The following EPAS1 variants were observed in gnomAD, a reference collection of about 807,000 sequenced individuals.
The protein encoded by EPAS1 is endothelial PAS domain-containing protein 1.
EPAS1 carries 23 observed loss-of-function variants against 87.9 expected under a neutral mutation model. The observed-to-expected ratio is 0.26, with a 90% CI of 0.19 to 0.37. The LOEUF is 0.37. Ranked by LOEUF, EPAS1 falls within the 10% of genes least tolerant of loss-of-function variation. EPAS1 has a pLI of 1.00. For missense variants in EPAS1, 1,138 were observed against 1,120.7 expected, an observed-to-expected ratio of 1.02 and a Z score of -0.22; for synonymous variants, 508 against 444.3, an observed-to-expected ratio of 1.14 and a Z score of -1.80.
intron 6 of EPAS1, among the ~76,000 whole-genome samples, chr2:46,366,017 G>C (rs1346804123): frequency 6.6e-6 from 1 of 152,086 alleles, no homozygotes; most frequent in African/African-American, 2.4e-5. Context: ...TTGCTTACAT[G>C]ATTAATTTAC....
At position 46,382,594 on chromosome 2, in the gene EPAS1, G is replaced by A. The variant is rs149994721; in HGVS notation, c.2457G>A (p.Val819=). 2.4e-3 allele frequency: 3,853 copies of A among 1,614,102 alleles called. 3 individuals carry two copies. The highest frequency in any genetic ancestry group is 2.9e-3 in the Non-Finnish European group (3,414 of 1,180,046). The change falls in exon 15 of 16, where the codon GTG becomes GTA. Residue 819 remains valine (V), a synonymous_variant. Coordinates refer to ENST00000263734, the MANE Select transcript of EPAS1 (RefSeq NM_001430.5). ...QDYSLSSAHK[V]SGMASRLLGP... is the part of the protein sequence containing the mutation. ...ACAGCCTGTCGTCAGCCCACAAGGT[G>A]TCAGGTGGGTGTGCCCAGGATCTGT...
intron 4 of EPAS1, 85 bp downstream of exon 4, chr2:46,356,893 C>A: frequency 2.0e-6 from 2 of 976,192 alleles, no homozygotes; most frequent in South Asian, 1.3e-5. Flanking sequence ...AGGGAGATAG[C>A]TCATGGCCCT....
In EPAS1 at chr2:46,380,773, G is replaced by A. The variant is rs1206457172; in HGVS notation, c.2045+56G>A. ...GGGCCGAACCGAGAGGCACCCACTA[G>A]TAAGATAGCTGGACCCCCAGGGAGG... is the stretch of plus-strand genomic sequence containing the variant. On this transcript the variant is annotated intron_variant, in intron 12 of 15. Coordinates refer to ENST00000263734, the MANE Select transcript of EPAS1 (RefSeq NM_001430.5). This position sits in a 1 kb window ranked among gnomAD's most constrained non-coding sequence, Gnocchi z 4.4. 4.4e-6 allele frequency: 7 copies of A among 1,599,718 alleles called. No homozygotes were observed. Among genetic ancestry groups the A allele is most frequent in the Non-Finnish European group, 5.1e-6 (6 of 1,179,876 alleles).
At chr2:46,356,941 A>G in intron 4 of EPAS1, 133 bp downstream of exon 4, 1 of 706,744 alleles carries the variant, frequency 1.4e-6, no homozygotes, top group Non-Finnish European at 2.6e-6. Flanking sequence ...AAAAAATTTA[A>G]GTATGTAGCC....
chr2:46,304,215 C>T (rs1417687506), intron 1 of EPAS1, among the ~76,000 whole-genome samples: 1 of 152,162 alleles, frequency 6.6e-6, no homozygotes. Flanking sequence ...GTGCCGTCCT[C>T]AGAACTTTAC....
In EPAS1 at chr2:46,346,982, A is replaced by G; in HGVS notation, c.136A>G (p.Ser46Gly). 6.2e-7 allele frequency: 1 copy of G among 1,614,214 alleles called. No homozygotes were observed. Among genetic ancestry groups the G allele is most frequent in the Non-Finnish European group, 8.5e-7 (1 of 1,180,022 alleles). ...ELAHELPLPH[S>G]VSSHLDKASI... The stretch of plus-strand genomic sequence containing the variant: ...GGCCCATGAGCTGCCTCTGCCCCAC[A>G]GTGTGAGCTCCCATCTGGACAAGGC... Residue 46 changes from serine to glycine, a missense_variant, in exon 2 of 16, where the codon AGT becomes GGT. By Grantham distance (56) the Ser-to-Gly change is moderately conservative (BLOSUM62 0). Around this residue, in one of 4 missense-constraint regions of EPAS1, gnomAD observed 351 missense variants for 417.1 expected, o/e 0.84. Coordinates refer to ENST00000263734, the MANE Select transcript of EPAS1 (RefSeq NM_001430.5). The surrounding 1 kb of genome is among the most constrained non-coding windows in gnomAD (Gnocchi z 4.0).
At chr2:46,326,990 C>T (rs1417054332) in intron 1 of EPAS1, among the ~76,000 whole-genome samples, 2 of 152,130 alleles carry the variant, frequency 1.3e-5, no homozygotes, top group African/African-American at 4.8e-5. Flanking sequence ...TCTTCAACTG[C>T]AAAATGTAGG....
At chr2:46,313,150 A>G (rs1320371470) in intron 1 of EPAS1, among the ~76,000 whole-genome samples, 5 of 152,194 alleles carry the variant, frequency 3.3e-5, no homozygotes, top group African/African-American at 1.2e-4. Flanking sequence ...TGTTACTAGA[A>G]GTGGGAAAAA....
At chr2:46,357,280 G>A (rs998051948) in intron 4 of EPAS1, among the ~76,000 whole-genome samples, 1 of 152,190 alleles carries the variant, frequency 6.6e-6, no homozygotes, top group Admixed American at 6.5e-5. Flanking sequence ...GATGTCAGCT[G>A]GGCTGCAGTC....
In EPAS1 at chr2:46,335,893, C is replaced by G. The variant is rs952803782; in HGVS notation, c.27-10980C>G. On this transcript the variant is annotated intron_variant, in intron 1 of 15. Coordinates refer to ENST00000263734, the MANE Select transcript of EPAS1 (RefSeq NM_001430.5). ...TGACTTGACTTGGCGGGTGTTAGAA[C>G]AGCCCCATTCAGAGTGAGTTCACTC... 6 of 152,310 alleles carry G rather than the reference C, an allele frequency of 3.9e-5. No individual in the cohort carries two copies. The South Asian group carries it at 1.2e-3, about 32-fold the overall frequency. The allele number at this position is 152,310 out of a possible 1,614,324, so 9.4% of individuals were successfully genotyped here.
rs11678465 is a variant in EPAS1, at chr2:46,376,121, C to T, written c.1034+284C>T. 0.35 allele frequency among the ~76,000 whole-genome samples: 52,448 copies of T among 151,688 alleles called. 10,970 individuals carry two copies. The highest frequency in any genetic ancestry group is 0.49 in the Non-Finnish European group (33,016 of 67,922). On this transcript the variant is annotated intron_variant, in intron 8 of 15. Transcript: ENST00000263734. ...GGGGAGGCAGATAGCACACAATAGT[C>T]AATATTTTCTGAATGGGGAAAAAGG...
chr2:46,343,334 A>C (rs1429004438), intron 1 of EPAS1, among the ~76,000 whole-genome samples: 1 of 152,230 alleles, frequency 6.6e-6, no homozygotes, highest in Non-Finnish European at 1.5e-5. Flanking sequence ...TATTTAAAAA[A>C]GTATTAGCCC....
rs1684722411 is a variant in EPAS1 at position 46,375,372 on chromosome 2, T to A, written c.887-318T>A. Reference sequence around the variant, plus strand: ...TTGGTTCTGCTTATAGCTGAGCTGGTCTGTGAGCCTGACTTGTCCAGGGAT... The same window carrying A: ...TTGGTTCTGCTTATAGCTGAGCTGGACTGTGAGCCTGACTTGTCCAGGGAT... On this transcript the variant is annotated intron_variant, in intron 7 of 15. Coordinates refer to ENST00000263734, the MANE Select transcript of EPAS1 (RefSeq NM_001430.5). This position sits in a 1 kb window ranked among gnomAD's most constrained non-coding sequence, Gnocchi z 4.1. Among the ~76,000 whole-genome samples the A allele has an allele frequency of 6.6e-6, 1 of 152,116 alleles. No individual in the cohort carries two copies. The highest frequency in any genetic ancestry group is 1.5e-5 in the Non-Finnish European group (1 of 68,024).
At chr2:46,342,990 A>G (rs910149518) in intron 1 of EPAS1, among the ~76,000 whole-genome samples, 3 of 151,654 alleles carry the variant, frequency 2.0e-5, no homozygotes, top group South Asian at 2.1e-4. Context: ...GTCCAGGGGG[A>G]AAAAAAACAA....
intron 6 of EPAS1, among the ~76,000 whole-genome samples, chr2:46,366,641 G>C (rs191428094): frequency 1.3e-5 from 2 of 152,288 alleles, no homozygotes; most frequent in Admixed American, 1.3e-4. Context: ...CAGCCCTACT[G>C]AGTTGACTTT....
Position 46,326,003 on chromosome 2 carries a change from C to T in EPAS1, c.27-20870C>T, listed in dbSNP as rs186044306. Among the ~76,000 whole-genome samples the T allele has an allele frequency of 2.6e-5, 4 of 152,238 alleles. No individual in the cohort carries two copies. The East Asian group carries it at 7.7e-4, about 29-fold the overall frequency. Reference sequence around the variant, plus strand: ...CCCAGTTATTCTTCATAAGGGGAAACCTTGGAATAGCATGGGTGCTATTTT... The same window carrying T: ...CCCAGTTATTCTTCATAAGGGGAAATCTTGGAATAGCATGGGTGCTATTTT... On this transcript the variant is annotated intron_variant, in intron 1 of 15. Transcript: ENST00000263734.
intron 7 of EPAS1, among the ~76,000 whole-genome samples, chr2:46,370,359 G>T (rs1354548215): frequency 6.6e-6 from 1 of 152,222 alleles, no homozygotes; most frequent in Non-Finnish European, 1.5e-5. Context: ...AGAAGAGGAG[G>T]GCAGGGGGAG....
chr2:46,312,911 A>C (rs1348993175), intron 1 of EPAS1, among the ~76,000 whole-genome samples: 1 of 152,042 alleles, frequency 6.6e-6, no homozygotes, highest in Non-Finnish European at 1.5e-5. Context: ...TTCTGTCGAG[A>C]ATGGGAATAT....
At chr2:46,299,669 A>G (rs550800384) in intron 1 of EPAS1, among the ~76,000 whole-genome samples, 1 of 152,330 alleles carries the variant, frequency 6.6e-6, no homozygotes, top group East Asian at 1.9e-4. Flanking sequence ...CCTGACAGTA[A>G]TCTTGACAAA....
Sources: allele counts gnomAD v4.1 joint callset (sites outside exome capture counted in the v4.1 genomes callset), GRCh38; gene constraint gnomAD v4.1.1; regional missense constraint gnomAD v4.1.1; non-coding constraint Gnocchi (gnomAD v3.1); transcripts MANE v1.5; gene names NCBI Gene and HGNC (gene_info 2026-07-23, HGNC 2026-07-21).